Variants in VILL observed in about 807,000 individuals in gnomAD.
VILL encodes the protein villin like.
Under a neutral mutation model 106.3 loss-of-function variants are expected in VILL, and 102 were observed. The ratio of observed to expected loss-of-function variants is 0.96; its 90% CI spans 0.82 to 1.13. The LOEUF (loss-of-function observed/expected upper bound fraction) is 1.13. VILL is among the 50% of genes most tolerant of loss of function. The pLI, the probability that VILL is intolerant of heterozygous loss-of-function variation, is 0.00. For synonymous variants in VILL, 431 were observed against 440.3 expected, an observed-to-expected ratio of 0.98 and a Z score of 0.27; for missense variants, 1,076 against 1,116.6, an observed-to-expected ratio of 0.96 and a Z score of 0.52.
Position 38,006,968 on chromosome 3 carries a change from A to G in VILL, c.2484A>G (p.Gln828=). The part of the protein sequence containing the change: ...REFYLSDSDF[Q]DIFGKSKEEF... ...TCTATCTCTCAGACTCTGACTTCCA[A>G]GATATCTTTGGGAAATCCAAGGAGG... The change falls in exon 20 of 20, where the codon CAA becomes CAG. Residue 828 remains glutamine, a synonymous_variant. Transcript: ENST00000383759. 3 of 1,614,080 alleles carry G rather than the reference A, an allele frequency of 1.9e-6. No individual in the cohort carries two copies. The highest frequency in any genetic ancestry group is 1.7e-6 in the Non-Finnish European group (2 of 1,179,990).
In VILL at chr3:38,001,845, G is replaced by C. The variant is rs1426091246; in HGVS notation, c.1464G>C (p.Gln488His). The part of the protein sequence containing the change: ...PPHFLAIFQG[Q>H]LVIFQERAGH... ...ACTTCCTCGCCATCTTCCAGGGCCA[G>C]CTGGTGATCTTCCAGGTAGGTCTCA... is the stretch of plus-strand genomic sequence containing the variant. The change falls in exon 13 of 20, where the codon CAG (glutamine) becomes CAC (histidine). Residue 488 changes from glutamine to histidine, a missense_variant. Transcript: ENST00000383759. The C allele has an allele frequency of 6.2e-7, 1 of 1,614,262 alleles. No individual in the cohort carries two copies.
At chr3:38,002,636 G>A in intron 14 of VILL, 61 bp downstream of exon 14, 1 of 1,562,784 alleles carries the variant, frequency 6.4e-7, no homozygotes, top group Non-Finnish European at 8.7e-7. Context: ...GCTGGGGGTG[G>A]GTCCTCTCCA....
intron 3 of VILL, 53 bp from the exon 4 acceptor site, chr3:37,994,208 A>G (rs1299111696): frequency 1.3e-6 from 2 of 1,550,364 alleles, no homozygotes; most frequent in Non-Finnish European, 1.7e-6. Flanking sequence ...CCCCTTCTCC[A>G]CCCGCACCTC....
At position 38,004,159 on chromosome 3, in the gene VILL, G is replaced by A. The variant is rs557869257; in HGVS notation, c.1806-96G>A. The A allele has an allele frequency of 3.8e-4, 572 of 1,507,296 alleles. 2 individuals carry two copies. In the African/African-American group the frequency reaches 5.2e-3, roughly 14 times the overall value. The allele number at this position is 1,507,296 out of a possible 1,614,324, so 93.4% of individuals were successfully genotyped here. On this transcript the variant is annotated intron_variant, in intron 15 of 19. Coordinates refer to ENST00000383759, the MANE Select transcript of VILL (RefSeq NM_015873.4). The stretch of plus-strand genomic sequence containing the variant: ...AGGAGGGCCCAGGGCTCCCACTCCT[G>A]AGAAGTGGCTTCCCAGGCCCTGGGG...
Position 37,997,005 on chromosome 3 carries a change from A to G in VILL, c.451-72A>G. ...GCATACAGCTTCATGCACACGTGAC[A>G]CATCCCAGCTATGCTCCCCTCTAGC... On this transcript the variant is annotated intron_variant, in intron 5 of 19. Coordinates refer to ENST00000383759, the MANE Select transcript of VILL (RefSeq NM_015873.4). The surrounding 1 kb of genome is among the most constrained non-coding windows in gnomAD (Gnocchi z 4.7). 1.5e-6 allele frequency: 2 copies of G among 1,374,302 alleles called. No homozygotes were observed. The highest frequency in any genetic ancestry group is 2.4e-5 in the South Asian group (2 of 84,114). The allele number at this position is 1,374,302 out of a possible 1,614,324, so 85.1% of individuals were successfully genotyped here.
intron 15 of VILL, chr3:38,003,519 A>T: frequency 1.6e-6 from 1 of 636,830 alleles, no homozygotes; most frequent in South Asian, 2.1e-5. Context: ...GATGCTGGGG[A>T]GAGTGGGGGC....
At chr3:38,003,529 C>T (rs1262774162) in intron 15 of VILL, 1 of 588,200 alleles carries the variant, frequency 1.7e-6, no homozygotes, top group Non-Finnish European at 2.9e-6. Context: ...AGAGTGGGGG[C>T]AGTGGCGACC....
In VILL at chr3:37,997,965, A is replaced by G. The variant is rs1575335829; in HGVS notation, c.765-125A>G. On this transcript the variant is annotated intron_variant, in intron 7 of 19. Transcript: ENST00000383759. The surrounding 1 kb of genome is among the most constrained non-coding windows in gnomAD (Gnocchi z 4.7). Reference sequence around the variant, plus strand: ...GGCTGCAGTAAAAGTGAAGACTACAACTCGGGGCCCCAGCCCCCATGCCTT... The same window carrying G: ...GGCTGCAGTAAAAGTGAAGACTACAGCTCGGGGCCCCAGCCCCCATGCCTT... The G allele has an allele frequency of 2.0e-6, 2 of 1,007,228 alleles. No homozygotes were observed. The highest frequency in any genetic ancestry group is 5.2e-5 in the East Asian group (2 of 38,160). 62.4% of individuals were successfully genotyped at this position (1,007,228 alleles called of 1,614,324 possible). A position where few individuals can be genotyped will look rare whatever the true frequency, so the allele number is the denominator to read the frequency against.
rs1476285564 is a variant in VILL at position 37,997,643 on chromosome 3, A to G, written c.722A>G (p.Lys241Arg). Residue 241 changes from lysine to arginine, a missense_variant, in exon 7 of 20, where the codon AAG becomes AGG. By Grantham distance (26) the Lys-to-Arg change is conservative (BLOSUM62 2). Coordinates refer to ENST00000383759, the MANE Select transcript of VILL (RefSeq NM_015873.4). The surrounding 1 kb of genome is among the most constrained non-coding windows in gnomAD (Gnocchi z 4.7). ...VGSLRAATPS[K>R]DINQLQKANV... ...AGCCTGCGTGCCGCCACGCCCAGCAAGGATATCAACCAGCTGCAGAAGGCC... is the reference window on the plus strand; with the variant it reads ...AGCCTGCGTGCCGCCACGCCCAGCAGGGATATCAACCAGCTGCAGAAGGCC... The G allele has an allele frequency of 7.0e-7, 1 of 1,422,830 alleles. No homozygotes were observed. The highest frequency in any genetic ancestry group is 1.1e-5 in the South Asian group (1 of 88,736). 88.1% of individuals were successfully genotyped at this position (1,422,830 alleles called of 1,614,324 possible). A position where few individuals can be genotyped will look rare whatever the true frequency, so the allele number is the denominator to read the frequency against.
intron 1 of VILL, among the ~76,000 whole-genome samples, chr3:37,992,768 T>C (rs975262828): frequency 6.6e-6 from 1 of 152,172 alleles, no homozygotes; most frequent in Non-Finnish European, 1.5e-5. Flanking sequence ...TTTGGCTACA[T>C]GTTGGGTGTT....
chr3:37,994,385 TG>T lies in VILL; in HGVS notation c.266del (p.Gly89AlafsTer32). ...TTCCAGCAGCGCCTACAGGACGAGC[TG>T]GGGGGCCAGACCGTGCTGCACCGCG... ...EAFQQRLQDE[L>X]GGQTVLHREA... On this transcript the variant is annotated frameshift_variant, in exon 4 of 20. Coordinates refer to ENST00000383759, the MANE Select transcript of VILL (RefSeq NM_015873.4). LOFTEE classifies it high-confidence loss of function. 1 of 1,612,330 alleles carries T rather than the reference TG, an allele frequency of 6.2e-7. No homozygotes were observed. The highest frequency in any genetic ancestry group is 8.5e-7 in the Non-Finnish European group (1 of 1,179,784).
chr3:38,003,177 G>C lies in VILL; in HGVS notation c.1669G>C (p.Gly557Arg), dbSNP rs749392950. ...TCTCTTTGCCTGCTAGGGCTGTAAT[G>C]GTGATCAGCGTGAGATGGCACGGGT... Reference protein sequence around the residue: ...CYLWFGKGCNGDQREMARVVV... With the variant: ...CYLWFGKGCNRDQREMARVVV... Residue 557 changes from glycine to arginine, a missense_variant, in exon 15 of 20, where the codon GGT (glycine) becomes CGT (arginine). Coordinates refer to ENST00000383759, the MANE Select transcript of VILL (RefSeq NM_015873.4). 1.2e-6 allele frequency: 2 copies of C among 1,613,902 alleles called. No homozygotes were observed. The highest frequency in any genetic ancestry group is 3.3e-5 in the Admixed American group (2 of 60,006).
Position 38,006,522 on chromosome 3 carries a change from A to G in VILL, c.2279A>G (p.Lys760Arg), listed in dbSNP as rs768496273. 6.2e-7 allele frequency: 1 copy of G among 1,613,006 alleles called. No homozygotes were observed. Among genetic ancestry groups the G allele is most frequent in the Admixed American group, 1.7e-5 (1 of 59,996 alleles). The change falls in exon 19 of 20, where the codon AAG (lysine) becomes AGG (arginine). Residue 760 changes from lysine to arginine, a missense_variant. Transcript: ENST00000383759. ...RAGAVALQAL[K>R]GSQDSSENDL... ...GGTGCCGTGGCCCTGCAGGCCCTCAAGGGCTCCCAGGACAGCTCAGAGAAT... is the reference window on the plus strand; with the variant it reads ...GGTGCCGTGGCCCTGCAGGCCCTCAGGGGCTCCCAGGACAGCTCAGAGAAT...
Position 37,997,078 on chromosome 3 carries a change from T to A in VILL, c.452T>A (p.Val151Glu). 6.2e-7 allele frequency: 1 copy of A among 1,613,786 alleles called. No homozygotes were observed. Among genetic ancestry groups the A allele is most frequent in the Admixed American group, 1.7e-5 (1 of 60,002 alleles). Residue 151 changes from valine to glutamate, a missense_variant and splice_region_variant, in exon 6 of 20, where the codon GTG (valine) becomes GAG (glutamate). Coordinates refer to ENST00000383759, the MANE Select transcript of VILL (RefSeq NM_015873.4). This position sits in a 1 kb window ranked among gnomAD's most constrained non-coding sequence, Gnocchi z 4.7. ...TGTCTCTCTCCCTGGCTCTGGCAGG[T>A]GGAGCTCTCCTGGAACAGCTTTAAT... ...KGRKHVSATE[V>E]ELSWNSFNKG...
In VILL at chr3:38,001,449, T is replaced by C; in HGVS notation, c.1183-7T>C. ...CCACCTGTGCCCATTGGTCCCTTAT[T>C]CCCCAGGTGTGGTGCATCCAGGACT... On this transcript the variant is annotated splice_polypyrimidine_tract_variant and splice_region_variant and intron_variant, in intron 11 of 19. Transcript: ENST00000383759. 1.2e-6 allele frequency: 2 copies of C among 1,613,640 alleles called. No individual in the cohort carries two copies. The highest frequency in any genetic ancestry group is 1.7e-6 in the Non-Finnish European group (2 of 1,179,746).
At chr3:37,990,121 C>G (rs1483203708), upstream of VILL, among the ~76,000 whole-genome samples, 1 of 152,188 alleles carries the variant, frequency 6.6e-6, no homozygotes, top group Non-Finnish European at 1.5e-5. The surrounding 1 kb of genome is among the most constrained non-coding windows in gnomAD (Gnocchi z 5.1). Flanking sequence ...CTGGAAGGCT[C>G]TGTTTGCAGC....
chr3:37,999,002 C>G lies in VILL; in HGVS notation c.1033C>G (p.Arg345Gly). The G allele has an allele frequency of 6.3e-7, 1 of 1,588,754 alleles. No individual in the cohort carries two copies. Residue 345 changes from arginine (R) to glycine (G), a missense_variant, in exon 10 of 20, where the codon CGG (arginine) becomes GGG (glycine). Physicochemically the swap from Arg to Gly is moderately radical, Grantham distance 125. Coordinates refer to ENST00000383759, the MANE Select transcript of VILL (RefSeq NM_015873.4). ...AESAAFKQLF[R>G]TWSEKRRRNQ... ...GTCGGCCGCGTTCAAGCAGCTCTTC[C>G]GGACTTGGTCTGAGAAGCGGCGCAG...
intron 3 of VILL, 49 bp from the exon 4 acceptor site, chr3:37,994,212 G>A: frequency 1.3e-6 from 2 of 1,553,840 alleles, no homozygotes; most frequent in South Asian, 1.2e-5. Flanking sequence ...TTCTCCACCC[G>A]CACCTCCGTC....
chr3:37,997,646 A>G lies in VILL; in HGVS notation c.725A>G (p.Asp242Gly). ...GSLRAATPSK[D>G]INQLQKANVR... ...CTGCGTGCCGCCACGCCCAGCAAGG[A>G]TATCAACCAGCTGCAGAAGGCCAAT... is the stretch of plus-strand genomic sequence containing the variant. Residue 242 changes from aspartate to glycine, a missense_variant, in exon 7 of 20, where the codon GAT becomes GGT. Asp to Gly is a moderately conservative substitution (Grantham distance 94). Coordinates refer to ENST00000383759, the MANE Select transcript of VILL (RefSeq NM_015873.4). The surrounding 1 kb of genome is among the most constrained non-coding windows in gnomAD (Gnocchi z 4.7). 6.2e-7 allele frequency: 1 copy of G among 1,608,132 alleles called. No individual in the cohort carries two copies. The highest frequency in any genetic ancestry group is 8.5e-7 in the Non-Finnish European group (1 of 1,177,034).
Sources: allele counts gnomAD v4.1 joint callset (sites outside exome capture counted in the v4.1 genomes callset), GRCh38; gene constraint gnomAD v4.1.1; non-coding constraint Gnocchi (gnomAD v3.1); transcripts MANE v1.5; gene names NCBI Gene and HGNC (gene_info 2026-07-23, HGNC 2026-07-21).